The following DHTKD1 variants were observed in gnomAD, a reference collection of about 807,000 sequenced individuals.
The protein encoded by DHTKD1 is dehydrogenase E1 and transketolase domain containing 1.
A neutral mutation model predicts 101.8 loss-of-function variants in DHTKD1; 78 were observed. The ratio of observed to expected loss-of-function variants is 0.77; its 90% confidence interval spans 0.64 to 0.93. The LOEUF (loss-of-function observed/expected upper bound fraction) is 0.93. Ranked by LOEUF, DHTKD1 falls within the 40% of genes least tolerant of loss-of-function variation. DHTKD1 has a pLI of 0.00. For synonymous variants in DHTKD1, 462 were observed against 450.3 expected, an observed-to-expected ratio of 1.03 and a Z score of -0.33; for missense variants, 1,223 against 1,161.7, an observed-to-expected ratio of 1.05 and a Z score of -0.77.
At position 12,119,039 on chromosome 10, in the gene DHTKD1, G is replaced by A. The variant is rs532290473; in HGVS notation, c.2572+121G>A. On this transcript the variant is annotated intron_variant, in intron 15 of 16. Coordinates refer to ENST00000263035, the MANE Select transcript of DHTKD1 (RefSeq NM_018706.7). ...ATTGAATCTTGGGCCGGGCGCGGTGGCTCACACCTGTAATCCTGGCACTTT... is the reference window on the plus strand; with the variant it reads ...ATTGAATCTTGGGCCGGGCGCGGTGACTCACACCTGTAATCCTGGCACTTT... The A allele has an allele frequency of 4.3e-3, 4,031 of 932,374 alleles. 16 individuals carry two copies. Among genetic ancestry groups the A allele is most frequent in the South Asian group, 6.9e-3 (320 of 46,112 alleles). The allele number at this position is 932,374 out of a possible 1,614,324, so 57.8% of individuals were successfully genotyped here.
rs1564396394 is a variant in DHTKD1 at position 12,106,337 on chromosome 10, C to G, written c.1988C>G (p.Ala663Gly). 2.5e-6 allele frequency: 4 copies of G among 1,614,058 alleles called. No homozygotes were observed. Among genetic ancestry groups the G allele is most frequent in the Non-Finnish European group, 3.4e-6 (4 of 1,180,046 alleles). The change falls in exon 11 of 17, where the codon GCA becomes GGA. Residue 663 changes from alanine to glycine, a missense_variant. Ala to Gly is a moderately conservative substitution (Grantham distance 60). Coordinates refer to ENST00000263035, the MANE Select transcript of DHTKD1 (RefSeq NM_018706.7). Reference protein sequence around the residue: ...ESPKLLPLWEAQFGDFFNGAQ... With the variant: ...ESPKLLPLWEGQFGDFFNGAQ... ...CCAAAGTTACTGCCCCTGTGGGAGGCACAGTTTGGCGATTTCTTCAATGGT... is the reference window on the plus strand; with the variant it reads ...CCAAAGTTACTGCCCCTGTGGGAGGGACAGTTTGGCGATTTCTTCAATGGT...
Position 12,088,214 on chromosome 10 carries a change from T to G in DHTKD1, c.717+485T>G, listed in dbSNP as rs376742045. Among the ~76,000 whole-genome samples, 30 of 152,260 alleles carry G rather than the reference T, an allele frequency of 2.0e-4. 1 individual carries two copies. In the East Asian group the frequency reaches 2.3e-3, roughly 12 times the overall value. On this transcript the variant is annotated intron_variant, in intron 4 of 16. Transcript: ENST00000263035. ...GGCTCATACCTGCAATCCCAGCACTTTGGGAGGCTAAGGCAAGAGGAGTGC... is the reference window on the plus strand; with the variant it reads ...GGCTCATACCTGCAATCCCAGCACTGTGGGAGGCTAAGGCAAGAGGAGTGC...
intron 1 of DHTKD1, among the ~76,000 whole-genome samples, chr10:12,073,390 AGGCAGGAGTGCAGT>A (rs1281476807): frequency 2.0e-5 from 3 of 151,778 alleles, no homozygotes; most frequent in African/African-American, 7.3e-5. Context: ...TCTGTCACCC[AGGCAGGAGTGCAGT>A]GGCATGATCT....
chr10:12,113,271 C>T (rs548331982), intron 13 of DHTKD1, among the ~76,000 whole-genome samples: 9 of 152,268 alleles, frequency 5.9e-5, no homozygotes, highest in East Asian at 1.9e-4. Context: ...AATCTCGGCC[C>T]GTTGCAACCT....
chr10:12,112,746 T>C (rs1833353776), intron 12 of DHTKD1, among the ~76,000 whole-genome samples, 154 bp from the exon 13 acceptor site: 1 of 152,230 alleles, frequency 6.6e-6, no homozygotes, highest in South Asian at 2.1e-4. Flanking sequence ...GCACCGTTCA[T>C]AAATTCACCT....
Position 12,069,050 on chromosome 10 carries a change from C to T in DHTKD1, c.17C>T (p.Ala6Val). The T allele has an allele frequency of 1.2e-6, 2 of 1,613,228 alleles. No homozygotes were observed. Among genetic ancestry groups the T allele is most frequent in the South Asian group, 2.2e-5 (2 of 91,066 alleles). Residue 6 changes from alanine (A) to valine (V), a missense_variant, in exon 1 of 17, where the codon GCG becomes GTG. Physicochemically the swap from Ala to Val is moderately conservative, Grantham distance 64. Coordinates refer to ENST00000263035, the MANE Select transcript of DHTKD1 (RefSeq NM_018706.7). MASAT[A>V]AAARRGLGRA... ...CTGGTGAACATGGCCTCTGCTACTG[C>T]GGCAGCAGCACGACGGGGCCTCGGC...
intron 13 of DHTKD1, 81 bp downstream of exon 13, chr10:12,113,145 A>G: frequency 1.6e-6 from 2 of 1,255,804 alleles, no homozygotes; most frequent in Non-Finnish European, 2.2e-6. Context: ...ATATCTAATT[A>G]TATTTAAATT....
intron 1 of DHTKD1, among the ~76,000 whole-genome samples, chr10:12,076,625 G>C (rs950570366): frequency 6.6e-6 from 1 of 152,160 alleles, no homozygotes; most frequent in Admixed American, 6.6e-5. Context: ...TCGAGCCCAG[G>C]AGTATGAGTC....
intron 1 of DHTKD1, among the ~76,000 whole-genome samples, chr10:12,079,175 G>A (rs1015829583): frequency 6.6e-6 from 1 of 152,064 alleles, no homozygotes; most frequent in Admixed American, 6.6e-5. Context: ...GTGCAGCCTC[G>A]AACTCCTGGG....
chr10:12,093,026 A>G (rs975596951), intron 6 of DHTKD1, among the ~76,000 whole-genome samples: 2 of 146,954 alleles, frequency 1.4e-5, no homozygotes, highest in Non-Finnish European at 3.0e-5. Context: ...TTACAGACAC[A>G]TGCCACCATG....
chr10:12,100,287 G>GTTTTTTTTTTTTGTTTT lies in DHTKD1; in HGVS notation c.1756+37_1756+38insGTTTTTTTTTTTTTTTT, dbSNP rs1554793010. On this transcript the variant is annotated intron_variant, in intron 9 of 16. Transcript: ENST00000263035. ...GGTAAGAATTTTCTTTTTTTTTTCT[G>GTTTTTTTTTTTTGTTTT]TTTTTTTTTTTTTTGAGTCTCACCC... The GTTTTTTTTTTTTGTTTT allele has an allele frequency of 1.4e-4, 38 of 272,248 alleles. 1 individual carries two copies. The highest frequency in any genetic ancestry group is 4.1e-4 in the East Asian group (5 of 12,340). 16.9% of individuals were successfully genotyped at this position (272,248 alleles called of 1,614,324 possible).
At chr10:12,095,542 G>A (rs1833052456) in intron 7 of DHTKD1, among the ~76,000 whole-genome samples, 1 of 151,938 alleles carries the variant, frequency 6.6e-6, no homozygotes. Context: ...GGCCAGGCGC[G>A]GTGGCTCACG....
intron 7 of DHTKD1, among the ~76,000 whole-genome samples, chr10:12,096,497 C>T (rs531338739): frequency 6.6e-6 from 1 of 152,192 alleles, no homozygotes; most frequent in African/African-American, 2.4e-5. Context: ...GCGATCCTCC[C>T]GCCTCCACCT....
chr10:12,114,432 G>A (rs1323651619), intron 13 of DHTKD1, among the ~76,000 whole-genome samples: 1 of 151,830 alleles, frequency 6.6e-6, no homozygotes, highest in African/African-American at 2.4e-5. Flanking sequence ...GAGTAGCTGG[G>A]ATTATAGGCA....
At chr10:12,100,077 T>G in intron 8 of DHTKD1, 101 bp from the exon 9 acceptor site, 1 of 647,420 alleles carries the variant, frequency 1.5e-6, no homozygotes, top group Non-Finnish European at 2.6e-6. Flanking sequence ...ATTACAGGCA[T>G]GAGCCACCAT....
In DHTKD1 at chr10:12,123,193, A is replaced by T. The variant is rs1317439304; in HGVS notation, c.*2305A>T. On this transcript the variant is annotated 3_prime_UTR_variant, in exon 17 of 17. Coordinates refer to ENST00000263035, the MANE Select transcript of DHTKD1 (RefSeq NM_018706.7). ...ATGTTGTTTTTTTTTAACAAGAAAA[A>T]AAATAAAAGCACATTGTCATTTTTT... 6.6e-6 allele frequency: 1 copy of T among 152,214 alleles called. No homozygotes were observed. Among genetic ancestry groups the T allele is most frequent in the Non-Finnish European group, 1.5e-5 (1 of 68,032 alleles). The allele number at this position is 152,214 out of a possible 1,614,324, so 9.4% of individuals were successfully genotyped here.
intron 14 of DHTKD1, 104 bp from the exon 15 acceptor site, chr10:12,118,645 G>A: frequency 2.3e-6 from 2 of 884,450 alleles, no homozygotes; most frequent in East Asian, 3.0e-5. Context: ...GCCTCCCAAA[G>A]TGCTGAGATT....
intron 9 of DHTKD1, 97 bp from the exon 10 acceptor site, chr10:12,100,945 T>C: frequency 1.6e-6 from 2 of 1,244,950 alleles, no homozygotes. Flanking sequence ...TAAGGAAAAT[T>C]CTCAGGATTA....
At chr10:12,102,906 C>G (rs2131617487) in intron 10 of DHTKD1, among the ~76,000 whole-genome samples, 1 of 152,050 alleles carries the variant, frequency 6.6e-6, no homozygotes, top group African/African-American at 2.4e-5. Context: ...AGGCGTGAAC[C>G]ACCACGCCTG....
Sources: gnomAD v4.1 joint callset for allele counts (sites outside exome capture counted in the v4.1 genomes callset) on GRCh38, gnomAD v4.1.1 for gene constraint, MANE v1.5 for transcripts, NCBI Gene and HGNC (gene_info 2026-07-23, HGNC 2026-07-21) for gene names.